Variants in ANKS6 observed in about 807,000 individuals in gnomAD.
ANKS6 encodes ankyrin repeat and SAM domain-containing protein 6.
A neutral mutation model predicts 77.9 loss-of-function variants in ANKS6; 47 were observed. The ratio of observed to expected loss-of-function variants is 0.60; its 90% CI spans 0.48 to 0.77. ANKS6 has a LOEUF of 0.77. ANKS6 is among the 30% of genes least tolerant of loss of function. ANKS6 has a pLI of 0.00. For synonymous variants in ANKS6, 488 were observed against 501.7 expected, an observed-to-expected ratio of 0.97 and a Z score of 0.37; for missense variants, 1,150 against 1,159.1, an observed-to-expected ratio of 0.99 and a Z score of 0.11.
At chr9:98,738,160 T>A (rs2131919058) in intron 14 of ANKS6, among the ~76,000 whole-genome samples, 1 of 152,302 alleles carries the variant, frequency 6.6e-6, no homozygotes, top group Admixed American at 6.5e-5. Context: ...AAAACCCTTC[T>A]ATACACTGGC....
chr9:98,774,024 G>T lies in ANKS6; in HGVS notation c.1674C>A (p.Ile558=). 2 of 1,561,868 alleles carry T rather than the reference G, an allele frequency of 1.3e-6. No individual in the cohort carries two copies. Among genetic ancestry groups the T allele is most frequent in the South Asian group, 1.2e-5 (1 of 84,278 alleles). ...RLPSDKLKAV[I]PPFLPPSSFE... ...AACTGGAAGGGGGTAGGAATGGGGG[G>T]ATGACTGCTTTCAGCTTGTCACTCG... Residue 558 remains isoleucine (I), a synonymous_variant, in exon 9 of 15, where the codon ATC becomes ATA. Coordinates refer to ENST00000353234, the MANE Select transcript of ANKS6 (RefSeq NM_173551.5).
chr9:98,746,468 T>C (rs1832138478), intron 13 of ANKS6, among the ~76,000 whole-genome samples: 1 of 152,168 alleles, frequency 6.6e-6, no homozygotes, highest in South Asian at 2.1e-4. Context: ...TAGCAGTATG[T>C]GTGCAAAGCA....
intron 11 of ANKS6, among the ~76,000 whole-genome samples, chr9:98,765,654 G>A (rs1159314618): frequency 6.6e-6 from 1 of 152,078 alleles, no homozygotes; most frequent in African/African-American, 2.4e-5. Context: ...TGAGCTTTAA[G>A]GTAGGAATAG....
At chr9:98,756,641 C>T (rs1445063650) in intron 11 of ANKS6, 38 bp from the exon 12 acceptor site, 3 of 1,434,106 alleles carry the variant, frequency 2.1e-6, no homozygotes, top group African/African-American at 1.5e-5. Flanking sequence ...AAGCCATCAC[C>T]TGTAGGGTAG....
At chr9:98,774,332 G>C (rs1175809907) in intron 8 of ANKS6, among the ~76,000 whole-genome samples, 1 of 152,194 alleles carries the variant, frequency 6.6e-6, no homozygotes, top group African/African-American at 2.4e-5. Context: ...AGAGGAGACA[G>C]AGCGCCAAGG....
chr9:98,763,225 A>G (rs1013714608), intron 11 of ANKS6, among the ~76,000 whole-genome samples: 2 of 73,592 alleles, frequency 2.7e-5, no homozygotes, highest in African/African-American at 1.2e-4. Context: ...TGAGAAATTC[A>G]CCAAAAGAGA....
In ANKS6 at chr9:98,778,444, C is replaced by T. The variant is rs1834041387; in HGVS notation, c.1369-20G>A. The T allele has an allele frequency of 1.2e-6, 2 of 1,611,122 alleles. No individual in the cohort carries two copies. Among genetic ancestry groups the T allele is most frequent in the Non-Finnish European group, 1.7e-6 (2 of 1,178,472 alleles). ...CCAGGACTGCCAAAGGAACGCAGAGCAGAAGTCATGCTCCAGGAAGGGCAA... is the reference window on the plus strand; with the variant it reads ...CCAGGACTGCCAAAGGAACGCAGAGTAGAAGTCATGCTCCAGGAAGGGCAA... On this transcript the variant is annotated intron_variant, in intron 6 of 14. Coordinates refer to ENST00000353234, the MANE Select transcript of ANKS6 (RefSeq NM_173551.5).
intron 14 of ANKS6, among the ~76,000 whole-genome samples, chr9:98,744,682 G>T (rs1832024034): frequency 6.6e-6 from 1 of 151,880 alleles, no homozygotes; most frequent in Non-Finnish European, 1.5e-5. Context: ...ACATATCGTG[G>T]AACACAGCCC....
intron 9 of ANKS6, among the ~76,000 whole-genome samples, chr9:98,772,113 CCTTAT>C (rs1297090168): frequency 6.6e-6 from 1 of 152,184 alleles, no homozygotes; most frequent in Admixed American, 6.5e-5. Context: ...TTGACTGTTA[CCTTAT>C]GAGGCATGAG....
Position 98,778,359 on chromosome 9 carries a change from C to A in ANKS6, c.1434G>T (p.Gly478=), listed in dbSNP as rs2118084555. 1.2e-6 allele frequency: 2 copies of A among 1,614,176 alleles called. No individual in the cohort carries two copies. The highest frequency in any genetic ancestry group is 2.2e-5 in the East Asian group (1 of 44,878). ...KLKLMQTLPR[G]LSSNQPLPFS... ...AAGGCAAAGGCTGGTTGCTGGACAGCCCACGGGGCAGCGTCTGCATCAGTT... is the reference window on the plus strand; with the variant it reads ...AAGGCAAAGGCTGGTTGCTGGACAGACCACGGGGCAGCGTCTGCATCAGTT... Residue 478 remains glycine (G), a synonymous_variant, in exon 7 of 15, where the codon GGG becomes GGT. Transcript: ENST00000353234.
At chr9:98,751,242 C>A (rs1413853589) in intron 12 of ANKS6, 146 bp from the exon 13 acceptor site, 1 of 693,722 alleles carries the variant, frequency 1.4e-6, no homozygotes, top group Admixed American at 3.0e-5. Flanking sequence ...AGCTGGACTC[C>A]TGCAGATGAG....
intron 13 of ANKS6, 101 bp downstream of exon 13, chr9:98,750,928 C>T (rs1283713982): frequency 2.2e-6 from 2 of 900,048 alleles, no homozygotes; most frequent in Non-Finnish European, 3.5e-6. Flanking sequence ...TGTCTCAGTG[C>T]AAGAGATCAA....
At chr9:98,745,476 G>GT in intron 14 of ANKS6, 83 bp downstream of exon 14, 1 of 1,343,202 alleles carries the variant, frequency 7.4e-7, no homozygotes, top group Non-Finnish European at 1.1e-6. Context: ...GAGAGAGGAA[G>GT]TAAGACCTTC....
rs1831345623 is a variant in ANKS6 at position 98,733,941 on chromosome 9, G to A, written c.*2578C>T. On this transcript the variant is annotated 3_prime_UTR_variant, in exon 15 of 15. Coordinates refer to ENST00000353234, the MANE Select transcript of ANKS6 (RefSeq NM_173551.5). The stretch of plus-strand genomic sequence containing the variant: ...GCAAGGGAGGTGCTTCTTGTGGGGG[G>A]AACAGCCACAGGCAGGCTGGGGACA... 2 of 985,298 alleles carry A rather than the reference G, an allele frequency of 2.0e-6. No individual in the cohort carries two copies. The highest frequency in any genetic ancestry group is 1.7e-5 in the African/African-American group (1 of 57,202). The allele number at this position is 985,298 out of a possible 1,614,324, so 61.0% of individuals were successfully genotyped here. A position where few individuals can be genotyped will look rare whatever the true frequency, so the allele number is the denominator to read the frequency against.
chr9:98,756,379 T>A (rs781108366), intron 12 of ANKS6, 41 bp downstream of exon 12: 1 of 1,588,374 alleles, frequency 6.3e-7, no homozygotes, highest in Admixed American at 1.8e-5. Context: ...GTCATCATGG[T>A]GAGAGGAATA....
chr9:98,770,763 G>A, intron 10 of ANKS6, 133 bp downstream of exon 10: 1 of 971,032 alleles, frequency 1.0e-6, no homozygotes, highest in South Asian at 5.4e-5. Flanking sequence ...AAATCTCTTA[G>A]CCACATTAAG....
chr9:98,794,265 G>T (rs528370961), intron 1 of ANKS6, among the ~76,000 whole-genome samples: 22 of 151,958 alleles, frequency 1.4e-4, no homozygotes, highest in African/African-American at 5.3e-4. Flanking sequence ...TCCACACAGA[G>T]AGCTGGGACG....
At position 98,753,038 on chromosome 9, in the gene ANKS6, G is replaced by GT. The variant is rs1366923239; in HGVS notation, c.2327-1943dup. On this transcript the variant is annotated intron_variant, in intron 12 of 14. Transcript: ENST00000353234. ...GGTCCACAGTGGTGTGCTGGTAAAT[G>GT]TTTAACAACTGGTTCTCGGGGGAAG... 2.0e-5 allele frequency among the ~76,000 whole-genome samples: 3 copies of GT among 151,932 alleles called. No individual in the cohort carries two copies. In the East Asian group the frequency reaches 5.8e-4, roughly 29 times the overall value.
rs375584233 is a variant in ANKS6 at position 98,773,920 on chromosome 9, C to A, written c.1778G>T (p.Arg593Ile). 2.8e-5 allele frequency: 45 copies of A among 1,592,862 alleles called. No homozygotes were observed. The highest frequency in any genetic ancestry group is 3.7e-5 in the Non-Finnish European group (43 of 1,172,982). ...GCCCACGGGGTGGCCCCTGCTGGCT[C>A]TCTGGGGCAGCGCAGTCTTCATGGG... ...ADPMKTALPQ[R>I]ASRGHPVGGG... Residue 593 changes from arginine to isoleucine, a missense_variant, in exon 9 of 15, where the codon AGA (arginine) becomes ATA (isoleucine). Transcript: ENST00000353234.
Sources: gnomAD v4.1 joint callset for allele counts (sites outside exome capture counted in the v4.1 genomes callset) on GRCh38, gnomAD v4.1.1 for gene constraint, MANE v1.5 for transcripts, NCBI Gene and HGNC (gene_info 2026-07-23, HGNC 2026-07-21) for gene names.